The following NUDCD3 variants were observed in gnomAD, a reference collection of about 807,000 sequenced individuals.
NUDCD3 encodes the protein NudC domain containing 3.
NUDCD3 carries 13 observed loss-of-function variants against 39.7 expected under a neutral mutation model. The ratio of observed to expected loss-of-function variants is 0.33; its 90% CI spans 0.21 to 0.52. The LOEUF is 0.52. Among genes scored for constraint, NUDCD3 ranks in the 20% least tolerant of loss-of-function variants. The pLI, the probability that NUDCD3 is intolerant of heterozygous loss-of-function variation, is 0.96. For synonymous variants in NUDCD3, 175 were observed against 172.4 expected (o/e 1.02, Z -0.12); for missense variants, 453 against 458.1 (o/e 0.99, Z 0.10).
chr7:44,400,994 G>T (rs1798712071), intron 4 of NUDCD3, among the ~76,000 whole-genome samples: 1 of 152,208 alleles, frequency 6.6e-6, no homozygotes, highest in South Asian at 2.1e-4. Context: ...CCTGCACAGG[G>T]TTGGGTACTT....
chr7:44,412,935 AAAAAAAAG>A (rs1333480941), intron 3 of NUDCD3, among the ~76,000 whole-genome samples: 93 of 147,550 alleles, frequency 6.3e-4, no homozygotes, highest in African/African-American at 2.2e-3. Context: ...TCAAAAAAAA[AAAAAAAAG>A]AAAAAAAAAA....
intron 2 of NUDCD3, among the ~76,000 whole-genome samples, chr7:44,452,225 T>C (rs1352838617): frequency 6.6e-6 from 1 of 152,172 alleles, no homozygotes; most frequent in African/African-American, 2.4e-5. Context: ...GGATGATCGC[T>C]TGAGCTCAGA....
At chr7:44,434,898 C>T (rs1799436766) in intron 2 of NUDCD3, among the ~76,000 whole-genome samples, 1 of 152,206 alleles carries the variant, frequency 6.6e-6, no homozygotes, top group African/African-American at 2.4e-5. Context: ...CTGTGAGGAA[C>T]AAACCATTTA....
intron 2 of NUDCD3, among the ~76,000 whole-genome samples, chr7:44,433,778 C>T (rs538872627): frequency 1.3e-5 from 2 of 152,250 alleles, no homozygotes; most frequent in South Asian, 2.1e-4. Context: ...CTTCACATGC[C>T]ACTGTGATTA....
At chr7:44,444,268 T>C (rs1033890980) in intron 2 of NUDCD3, among the ~76,000 whole-genome samples, 1 of 152,072 alleles carries the variant, frequency 6.6e-6, no homozygotes, top group Non-Finnish European at 1.5e-5. Context: ...CCTGTAAATC[T>C]AAAAAGAGAA....
intron 2 of NUDCD3, among the ~76,000 whole-genome samples, chr7:44,453,233 A>C (rs6952593): frequency 0.13 from 19,536 of 152,064 alleles, 1,665 homozygotes; most frequent in Non-Finnish European, 0.19. Flanking sequence ...TGCGCCTGTA[A>C]TCCCGGCTAC....
chr7:44,398,833 G>A (rs145823623), intron 4 of NUDCD3, among the ~76,000 whole-genome samples: 23 of 152,374 alleles, frequency 1.5e-4, no homozygotes, highest in African/African-American at 4.3e-4. Flanking sequence ...AGACGACAGC[G>A]TGGCAGAGGT....
At chr7:44,484,349 A>C (rs1008338847) in intron 2 of NUDCD3, 9 of 152,334 alleles carry the variant, frequency 5.9e-5, no homozygotes, top group African/African-American at 2.2e-4. Context: ...GGCTTGATTC[A>C]GGGAAACCTC....
At chr7:44,458,851 A>G (rs933044947) in intron 2 of NUDCD3, among the ~76,000 whole-genome samples, 5 of 152,092 alleles carry the variant, frequency 3.3e-5, no homozygotes, top group Non-Finnish European at 7.4e-5. Flanking sequence ...GTGCATGCAT[A>G]CAAGCATGTG....
At chr7:44,386,183 G>A (rs909348544) in intron 5 of NUDCD3, 62 bp from the exon 6 acceptor site, 69 of 1,569,260 alleles carry the variant, frequency 4.4e-5, no homozygotes, top group Non-Finnish European at 5.8e-5. Context: ...TTCTCCCAGA[G>A]CAGACTCTGA....
intron 3 of NUDCD3, among the ~76,000 whole-genome samples, chr7:44,420,746 A>G (rs570571772): frequency 1.1e-3 from 160 of 152,354 alleles, no homozygotes; most frequent in Non-Finnish European, 1.9e-3. Flanking sequence ...ATCCAGCCAA[A>G]CTAAGCTTCA....
intron 3 of NUDCD3, among the ~76,000 whole-genome samples, chr7:44,423,062 G>A (rs1160692865): frequency 6.6e-6 from 1 of 152,156 alleles, no homozygotes; most frequent in Admixed American, 6.5e-5. Flanking sequence ...CTCAAAAGAT[G>A]CAGAAAAGGC....
chr7:44,387,689 G>A (rs766565701), intron 5 of NUDCD3, among the ~76,000 whole-genome samples: 32 of 152,312 alleles, frequency 2.1e-4, no homozygotes, highest in Middle Eastern at 3.4e-3. Flanking sequence ...GCTGCATGGG[G>A]GCCCGATGTA....
In NUDCD3 at chr7:44,480,701, C is replaced by T. The variant is rs926435175; in HGVS notation, c.509+4267G>A. Among the ~76,000 whole-genome samples, 5 of 151,932 alleles carry T rather than the reference C, an allele frequency of 3.3e-5. 1 individual carries two copies. The highest frequency in any genetic ancestry group is 3.3e-4 in the Admixed American group (5 of 15,246). ...TCACACCTATAATCCCAGCACTTTA[C>T]GAGGCTGAGGCGAGTGGATCACTTG... On this transcript the variant is annotated intron_variant, in intron 2 of 5. Coordinates refer to ENST00000355451, the MANE Select transcript of NUDCD3 (RefSeq NM_015332.4).
chr7:44,448,624 TTAGTCTAAGC>T (rs1799730250), intron 2 of NUDCD3, among the ~76,000 whole-genome samples: 1 of 152,110 alleles, frequency 6.6e-6, no homozygotes, highest in African/African-American at 2.4e-5. Flanking sequence ...AAAGAATGAT[TTAGTCTAAGC>T]TGAGTGACAC....
At chr7:44,418,047 T>C (rs1799060415) in intron 3 of NUDCD3, among the ~76,000 whole-genome samples, 1 of 152,040 alleles carries the variant, frequency 6.6e-6, no homozygotes, top group African/African-American at 2.4e-5. Context: ...CCACCCAAAC[T>C]CCTACACACA....
At chr7:44,486,134 A>G (rs1035420368) in intron 1 of NUDCD3, among the ~76,000 whole-genome samples, 1 of 152,266 alleles carries the variant, frequency 6.6e-6, no homozygotes, top group Admixed American at 6.5e-5. Context: ...GAAATGCCAC[A>G]GCTCTAAGAA....
chr7:44,443,660 C>T (rs914125439), intron 2 of NUDCD3, among the ~76,000 whole-genome samples: 3 of 152,172 alleles, frequency 2.0e-5, no homozygotes, highest in East Asian at 1.9e-4. Context: ...ATCCACCTGC[C>T]GCAGCCTCCT....
intron 2 of NUDCD3, among the ~76,000 whole-genome samples, chr7:44,432,394 C>G (rs1302966228): frequency 6.6e-6 from 1 of 152,172 alleles, no homozygotes; most frequent in African/African-American, 2.4e-5. Context: ...GTCTAGGAAG[C>G]TAGAGCCCCA....
Sources: allele counts gnomAD v4.1 joint callset (sites outside exome capture counted in the v4.1 genomes callset), GRCh38; gene constraint gnomAD v4.1.1; transcripts MANE v1.5; gene names NCBI Gene and HGNC (gene_info 2026-07-23, HGNC 2026-07-21).